RPRD2: variants seen among roughly 807,000 people sequenced by gnomAD.
RPRD2 encodes the protein regulation of nuclear pre-mRNA domain containing 2, also known as regulation of nuclear pre-mRNA domain-containing protein 2.
Under a neutral mutation model 104.4 loss-of-function variants are expected in RPRD2, and 12 were observed. The ratio of observed to expected loss-of-function variants is 0.11; its 90% CI spans 0.07 to 0.19. The LOEUF is 0.19. Among genes scored for constraint, RPRD2 ranks in the 10% least tolerant of loss-of-function variants. The pLI is 1.00. For missense variants in RPRD2, 1,543 were observed against 1,790.1 expected (o/e 0.86, Z 2.49); for synonymous variants, 714 against 684.9 (o/e 1.04, Z -0.66).
At chr1:150,413,798 G>A (rs781958358) in intron 1 of RPRD2, among the ~76,000 whole-genome samples, 2 of 150,820 alleles carry the variant, frequency 1.3e-5, no homozygotes, top group African/African-American at 2.4e-5. Context: ...GGTGACGCAT[G>A]CCTGTAATCC....
intron 1 of RPRD2, among the ~76,000 whole-genome samples, chr1:150,376,157 GCT>G (rs1200089309): frequency 6.6e-6 from 1 of 152,122 alleles, no homozygotes; most frequent in Non-Finnish European, 1.5e-5. Flanking sequence ...TGAAATAGAG[GCT>G]CTTTGATGAA....
chr1:150,451,696 G>A (rs10888581), intron 7 of RPRD2, among the ~76,000 whole-genome samples: 32,487 of 145,186 alleles, frequency 0.22, 4,104 homozygotes, highest in African/African-American at 0.32. Flanking sequence ...AAAAAAAATC[G>A]TCCACCCCAA....
chr1:150,418,077 C>T (rs1179785588), intron 2 of RPRD2, among the ~76,000 whole-genome samples: 1 of 152,080 alleles, frequency 6.6e-6, no homozygotes, highest in Non-Finnish European at 1.5e-5. Context: ...AAGCAATTCT[C>T]TTGCCTCAGC....
At chr1:150,452,913 G>A (rs1183079079) in intron 7 of RPRD2, among the ~76,000 whole-genome samples, 2 of 151,768 alleles carry the variant, frequency 1.3e-5, no homozygotes, top group East Asian at 1.9e-4. Context: ...CAGGTGATCC[G>A]CCTGCCTCTG....
chr1:150,405,271 C>T (rs1236241978), intron 1 of RPRD2, among the ~76,000 whole-genome samples: 1 of 152,134 alleles, frequency 6.6e-6, no homozygotes, highest in Non-Finnish European at 1.5e-5. Flanking sequence ...ACATACTACT[C>T]AGATTTTTAA....
chr1:150,462,176 G>A (rs1560222531), intron 9 of RPRD2, among the ~76,000 whole-genome samples: 1 of 152,046 alleles, frequency 6.6e-6, no homozygotes, highest in East Asian at 1.9e-4. Context: ...CAGCTACTTG[G>A]GAGGCTGAGG....
chr1:150,470,823 T>A lies in RPRD2; in HGVS notation c.1875T>A (p.Pro625=). ...TCCCAAGCACTACTTTTAAACTACC[T>A]TCCAACTCTTTGGGGTTTACAGCTA... The part of the protein sequence containing the change: ...PGLPSTTFKL[P]SNSLGFTATH... Residue 625 remains proline (P), a synonymous_variant, in exon 11 of 11, where the codon CCT becomes CCA. Transcript: ENST00000369068. 1 of 1,613,968 alleles carries A rather than the reference T, an allele frequency of 6.2e-7. No individual in the cohort carries two copies. The highest frequency in any genetic ancestry group is 1.1e-5 in the South Asian group (1 of 91,086).
At chr1:150,404,442 C>T (rs782338244) in intron 1 of RPRD2, among the ~76,000 whole-genome samples, 27 of 152,024 alleles carry the variant, frequency 1.8e-4, no homozygotes, top group Non-Finnish European at 3.5e-4. Context: ...GACAGGGTTT[C>T]ACCAAGTTGC....
At chr1:150,443,514 G>C (rs1566225) in intron 5 of RPRD2, among the ~76,000 whole-genome samples, 91,272 of 152,002 alleles carry the variant, frequency 0.6, 27,927 homozygotes, top group African/African-American at 0.65. Context: ...CAGCTGAGTT[G>C]CATATTCAAT....
chr1:150,378,393 G>C (rs1270704261), intron 1 of RPRD2, among the ~76,000 whole-genome samples: 2 of 152,142 alleles, frequency 1.3e-5, no homozygotes, highest in Admixed American at 6.6e-5. Flanking sequence ...ATAGAGCCAG[G>C]TTGCAAACTT....
At chr1:150,401,182 A>C (rs1184022880) in intron 1 of RPRD2, among the ~76,000 whole-genome samples, 1 of 151,314 alleles carries the variant, frequency 6.6e-6, no homozygotes, top group Non-Finnish European at 1.5e-5. Flanking sequence ...ATCTCATAAA[A>C]ATAAAAAAAA....
intron 2 of RPRD2, among the ~76,000 whole-genome samples, chr1:150,434,940 T>G (rs1553892809): frequency 6.6e-6 from 1 of 152,232 alleles, no homozygotes; most frequent in Non-Finnish European, 1.5e-5. Context: ...GGGCATACTT[T>G]GTTTCATTGT....
chr1:150,457,625 A>G (rs1667625287), intron 8 of RPRD2, 55 bp downstream of exon 8: 1 of 1,420,028 alleles, frequency 7.0e-7, no homozygotes, highest in Non-Finnish European at 9.9e-7. Context: ...TTGCCTTCTC[A>G]GCAATGAATA....
At chr1:150,374,644 T>C (rs183112410) in intron 1 of RPRD2, among the ~76,000 whole-genome samples, 1 of 152,330 alleles carries the variant, frequency 6.6e-6, no homozygotes, top group Admixed American at 6.5e-5. Flanking sequence ...CAGAATTGCT[T>C]GCTTGGTGTG....
At position 150,369,566 on chromosome 1, in the gene RPRD2, C is replaced by T. The variant is rs1395839946; in HGVS notation, c.205+4647C>T. The stretch of plus-strand genomic sequence containing the variant: ...CCGCCTCCCGGGTTCACGCCATTCT[C>T]CTGCCTCAGCCTCCCGAGCAGCTGG... On this transcript the variant is annotated intron_variant, in intron 1 of 10. Coordinates refer to ENST00000369068, the MANE Select transcript of RPRD2 (RefSeq NM_015203.5). 2.1e-5 allele frequency among the ~76,000 whole-genome samples: 3 copies of T among 142,472 alleles called. No individual in the cohort carries two copies. In the Admixed American group the frequency reaches 2.2e-4, roughly 11 times the overall value. 93.5% of individuals were successfully genotyped at this position (142,472 alleles called of 152,430 possible). A position where few individuals can be genotyped will look rare whatever the true frequency, so the allele number is the denominator to read the frequency against.
chr1:150,432,231 C>T (rs1665654015), intron 2 of RPRD2, among the ~76,000 whole-genome samples: 1 of 149,490 alleles, frequency 6.7e-6, no homozygotes, highest in Non-Finnish European at 1.5e-5. Flanking sequence ...ATGGTTGAAC[C>T]ATGAAAACAT....
chr1:150,376,777 G>A (rs1365240201), intron 1 of RPRD2, among the ~76,000 whole-genome samples: 1 of 151,694 alleles, frequency 6.6e-6, no homozygotes, highest in Non-Finnish European at 1.5e-5. Context: ...TGGGATTACA[G>A]GCGTGAGCCA....
intron 1 of RPRD2, among the ~76,000 whole-genome samples, chr1:150,394,819 C>T (rs1214063578): frequency 6.6e-6 from 1 of 151,916 alleles, no homozygotes; most frequent in Non-Finnish European, 1.5e-5. Flanking sequence ...AGAGCTCAAG[C>T]AATCTGTTTC....
intron 1 of RPRD2, among the ~76,000 whole-genome samples, chr1:150,385,287 A>G (rs1661481922): frequency 6.6e-6 from 1 of 151,870 alleles, no homozygotes; most frequent in Admixed American, 6.6e-5. Context: ...CATATTTAAG[A>G]GTCCATATCT....
Sources: allele counts gnomAD v4.1 joint callset (sites outside exome capture counted in the v4.1 genomes callset), GRCh38; gene constraint gnomAD v4.1.1; transcripts MANE v1.5; gene names NCBI Gene and HGNC (gene_info 2026-07-23, HGNC 2026-07-21).